The following STK3 variants were observed in gnomAD, a reference collection of about 807,000 sequenced individuals.
STK3 encodes serine/threonine kinase 3.
STK3 carries 41 observed loss-of-function variants against 58.0 expected under a neutral mutation model. The ratio of observed to expected loss-of-function variants is 0.71; its 90% CI spans 0.55 to 0.92. The LOEUF (loss-of-function observed/expected upper bound fraction) is 0.92. Ranked by LOEUF, STK3 falls within the 40% of genes least tolerant of loss-of-function variation. The pLI is 0.00. For synonymous variants in STK3, 170 were observed against 191.0 expected (o/e 0.89, Z 0.91); for missense variants, 479 against 602.7 (o/e 0.79, Z 2.15).
At chr8:98,679,395 C>T (rs1212034901) in intron 6 of STK3, among the ~76,000 whole-genome samples, 1 of 152,190 alleles carries the variant, frequency 6.6e-6, no homozygotes. Flanking sequence ...CCAGTATCAT[C>T]TTCTCAATGA....
intron 7 of STK3, among the ~76,000 whole-genome samples, chr8:98,592,884 C>T (rs377440293): frequency 6.6e-6 from 1 of 152,212 alleles, no homozygotes; most frequent in African/African-American, 2.4e-5. Context: ...TTGCCTCAGC[C>T]TCCCAAATAG....
At chr8:98,515,925 G>C (rs766051110) in intron 10 of STK3, among the ~76,000 whole-genome samples, 1 of 151,970 alleles carries the variant, frequency 6.6e-6, no homozygotes, top group Non-Finnish European at 1.5e-5. Flanking sequence ...GCATTGTCAG[G>C]AAAGTGCTTT....
chr8:98,893,491 A>G (rs1232456049), intron 1 of STK3, among the ~76,000 whole-genome samples: 27 of 76,554 alleles, frequency 3.5e-4, no homozygotes, highest in Non-Finnish European at 6.2e-4. Context: ...AGAAAGAGAA[A>G]GAAAGAAAGA....
chr8:98,790,780 C>T (rs1176012792), intron 1 of STK3, among the ~76,000 whole-genome samples: 1 of 151,966 alleles, frequency 6.6e-6, no homozygotes, highest in African/African-American at 2.4e-5. Context: ...GTCAGGAGTT[C>T]GAGATCAGCC....
At chr8:98,889,198 A>G (rs1030405280) in intron 1 of STK3, among the ~76,000 whole-genome samples, 2 of 152,230 alleles carry the variant, frequency 1.3e-5, no homozygotes, top group African/African-American at 4.8e-5. Context: ...GTCAGTTTTG[A>G]ATTACAGAAC....
At chr8:98,567,523 T>A (rs1208318279) in intron 8 of STK3, among the ~76,000 whole-genome samples, 1 of 152,170 alleles carries the variant, frequency 6.6e-6, no homozygotes, top group Non-Finnish European at 1.5e-5. Context: ...TAATCAACTA[T>A]AAATTTGGAT....
At chr8:98,904,845 C>A in intron 1 of STK3, 1 of 669,142 alleles carries the variant, frequency 1.5e-6, no homozygotes, top group Non-Finnish European at 2.9e-6. Flanking sequence ...CAATAGGTAT[C>A]TGTCTTAGGG....
At chr8:98,409,213 T>A (rs557739953) in intron 3 of STK3, among the ~76,000 whole-genome samples, 1 of 152,288 alleles carries the variant, frequency 6.6e-6, no homozygotes, top group South Asian at 2.1e-4. Flanking sequence ...AGCATCTAAA[T>A]TCACCAGCCC....
At chr8:98,936,563 C>G (rs1564115341) in intron 1 of STK3, among the ~76,000 whole-genome samples, 1 of 152,194 alleles carries the variant, frequency 6.6e-6, no homozygotes. Flanking sequence ...TTAATATATT[C>G]CAGGTCACTC....
At chr8:98,940,494 G>C (rs532247341) in intron 1 of STK3, among the ~76,000 whole-genome samples, 47 of 152,292 alleles carry the variant, frequency 3.1e-4, no homozygotes, top group African/African-American at 1.1e-3. Flanking sequence ...TCAGTGCCTC[G>C]CAGGCTGGTG....
chr8:98,900,619 C>T (rs562664351), intron 1 of STK3, among the ~76,000 whole-genome samples: 1 of 151,186 alleles, frequency 6.6e-6, no homozygotes, highest in Non-Finnish European at 1.5e-5. Context: ...GCTGTTTTCC[C>T]ACGTGTCTTT....
intron 3 of STK3, among the ~76,000 whole-genome samples, chr8:98,868,181 A>G (rs1428893956): frequency 2.6e-5 from 4 of 152,192 alleles, no homozygotes; most frequent in African/African-American, 9.7e-5. Context: ...AGAAAACTTT[A>G]AAAAAACAGC....
chr8:98,464,540 T>TAAAAAAAAAAAAAAAAAAAAAAAGAA (rs1820280554), intron 10 of STK3, among the ~76,000 whole-genome samples: 2 of 69,228 alleles, frequency 2.9e-5, no homozygotes, highest in African/African-American at 5.7e-5. Flanking sequence ...TACTTAAAGT[T>TAAAAAAAAAAAAAAAAAAAAAAAGAA]AAAAAAAAAA....
chr8:98,836,744 A>G (rs1587728437), intron 3 of STK3, among the ~76,000 whole-genome samples: 1 of 152,250 alleles, frequency 6.6e-6, no homozygotes, highest in African/African-American at 2.4e-5. Flanking sequence ...GATTTAGATA[A>G]GATCAGATTG....
At chr8:98,644,551 C>A (rs1281848464) in intron 6 of STK3, among the ~76,000 whole-genome samples, 1 of 151,974 alleles carries the variant, frequency 6.6e-6, no homozygotes, top group African/African-American at 2.4e-5. Context: ...TAAAGGGTCC[C>A]AAATGCAACA....
intron 10 of STK3, among the ~76,000 whole-genome samples, chr8:98,495,681 C>T (rs963688382): frequency 7.2e-5 from 11 of 152,166 alleles, no homozygotes; most frequent in African/African-American, 2.7e-4. Context: ...TAGTTCTTAA[C>T]AAACTGCCAA....
intron 3 of STK3, among the ~76,000 whole-genome samples, chr8:98,414,022 G>C (rs570394385): frequency 6.6e-6 from 1 of 152,346 alleles, no homozygotes; most frequent in South Asian, 2.1e-4. Context: ...CCCACACTTT[G>C]GGAGGCCACA....
chr8:98,628,114 G>A (rs752609886), intron 6 of STK3, among the ~76,000 whole-genome samples: 34 of 152,284 alleles, frequency 2.2e-4, no homozygotes, highest in Middle Eastern at 6.8e-3. Context: ...ACACAGTCCA[G>A]TAATGCAACA....
chr8:98,644,115 T>C (rs1171877312), intron 6 of STK3, among the ~76,000 whole-genome samples: 3 of 152,198 alleles, frequency 2.0e-5, no homozygotes, highest in African/African-American at 7.2e-5. Context: ...CACTGATAAA[T>C]AATTCAATTA....
Sources: allele counts gnomAD v4.1 joint callset (sites outside exome capture counted in the v4.1 genomes callset), GRCh38; gene constraint gnomAD v4.1.1; transcripts MANE v1.5; gene names NCBI Gene and HGNC (gene_info 2026-07-23, HGNC 2026-07-21).